The following PPM1L variants were observed in gnomAD, a reference collection of about 807,000 sequenced individuals.
PPM1L encodes the protein protein phosphatase 1L.
PPM1L carries 13 observed loss-of-function variants against 31.4 expected under a neutral mutation model. The ratio of observed to expected loss-of-function variants is 0.41; its 90% CI spans 0.27 to 0.66. PPM1L has a LOEUF of 0.66. Among genes scored for constraint, PPM1L ranks in the 30% least tolerant of loss-of-function variants. PPM1L has a pLI of 0.29. For synonymous variants in PPM1L, 184 were observed against 175.4 expected (o/e 1.05, Z -0.39); for missense variants, 326 against 453.7 (o/e 0.72, Z 2.56).
At chr3:160,849,513 C>T (rs1560125597) in intron 1 of PPM1L, among the ~76,000 whole-genome samples, 3 of 152,074 alleles carry the variant, frequency 2.0e-5, no homozygotes, top group South Asian at 2.1e-4. Context: ...CTCCACCTCC[C>T]GGGTTCATGC....
chr3:160,790,045 A>C (rs1354121499), intron 1 of PPM1L, among the ~76,000 whole-genome samples: 5 of 152,260 alleles, frequency 3.3e-5, no homozygotes, highest in Middle Eastern at 3.4e-3. Context: ...TTCTTTAGTG[A>C]ATAATGACAA....
chr3:160,803,712 CTGT>C (rs1355782681), intron 1 of PPM1L, among the ~76,000 whole-genome samples: 3 of 152,148 alleles, frequency 2.0e-5, no homozygotes, highest in Admixed American at 6.5e-5. Flanking sequence ...ATTTTTACTG[CTGT>C]TATTTCTTTA....
chr3:160,835,039 A>ACTACTTCTTCTT lies in PPM1L; in HGVS notation c.399+78334_399+78335insACTTCTTCTTCT, dbSNP rs760363593. ...TACTACTACTACTATTACTACTACT[A>ACTACTTCTTCTT]CTTCTTCTTCTTCTTCTTCTTCTTC... On this transcript the variant is annotated intron_variant, in intron 1 of 3. Coordinates refer to ENST00000498165, the MANE Select transcript of PPM1L (RefSeq NM_139245.4). 5.3e-3 allele frequency among the ~76,000 whole-genome samples: 693 copies of ACTACTTCTTCTT among 131,800 alleles called. 1 individual carries two copies. The highest frequency in any genetic ancestry group is 7.8e-3 in the African/African-American group (253 of 32,234). 86.5% of individuals were successfully genotyped at this position (131,800 alleles called of 152,430 possible).
Position 160,975,750 on chromosome 3 carries a change from T to C in PPM1L, c.574+13840T>C, listed in dbSNP as rs576029707. Among the ~76,000 whole-genome samples the C allele has an allele frequency of 3.2e-3, 488 of 152,332 alleles. 1 individual carries two copies. Among genetic ancestry groups the C allele is most frequent in the African/African-American group, 0.011 (466 of 41,558 alleles). ...TATCCTGAGACTTTGCTAAAGTTGC[T>C]AATCAGCTTAAGGAGATTTTGGGCT... On this transcript the variant is annotated intron_variant, in intron 2 of 3. Transcript: ENST00000498165.
At chr3:160,807,620 A>G (rs899225461) in intron 1 of PPM1L, among the ~76,000 whole-genome samples, 6 of 152,206 alleles carry the variant, frequency 3.9e-5, no homozygotes, top group African/African-American at 1.4e-4. Flanking sequence ...AAAAGCCACT[A>G]TCACTTAGTG....
At chr3:160,804,525 T>C (rs879886449) in intron 1 of PPM1L, among the ~76,000 whole-genome samples, 1 of 152,204 alleles carries the variant, frequency 6.6e-6, no homozygotes, top group South Asian at 2.1e-4. Flanking sequence ...ACTGAATAAA[T>C]AGTCTTTCTT....
At chr3:160,936,469 T>C (rs1714977374) in intron 1 of PPM1L, among the ~76,000 whole-genome samples, 1 of 152,192 alleles carries the variant, frequency 6.6e-6, no homozygotes, top group African/African-American at 2.4e-5. Context: ...AATCTAATGT[T>C]GTGAAGAATG....
intron 2 of PPM1L, among the ~76,000 whole-genome samples, chr3:160,978,640 G>A (rs1334686676): frequency 6.6e-6 from 1 of 151,866 alleles, no homozygotes; most frequent in African/African-American, 2.4e-5. Context: ...GATCAGCCTG[G>A]GTAACATGGT....
intron 1 of PPM1L, among the ~76,000 whole-genome samples, chr3:160,763,736 T>C (rs1228103717): frequency 1.3e-5 from 2 of 152,156 alleles, no homozygotes; most frequent in Admixed American, 1.3e-4. Context: ...GGAGGATTGA[T>C]TTGAACTAAC....
chr3:160,954,055 G>A (rs1405076097), intron 1 of PPM1L, among the ~76,000 whole-genome samples: 1 of 151,988 alleles, frequency 6.6e-6, no homozygotes, highest in East Asian at 1.9e-4. Flanking sequence ...TAATTTAAAA[G>A]CAATTTGTGT....
At chr3:160,820,879 A>T (rs1331299448) in intron 1 of PPM1L, among the ~76,000 whole-genome samples, 2 of 152,120 alleles carry the variant, frequency 1.3e-5, no homozygotes, top group African/African-American at 2.4e-5. Context: ...TTGTGTACAT[A>T]TGCAAGAGTT....
rs536542487 is a variant in PPM1L at position 160,784,404 on chromosome 3, A to G, written c.399+27697A>G. On this transcript the variant is annotated intron_variant, in intron 1 of 3. Coordinates refer to ENST00000498165, the MANE Select transcript of PPM1L (RefSeq NM_139245.4). ...AGAGCCAAGCAAATCATCTTCTACCATATGAATAGTTAATCAGGAATAAGA... is the reference window on the plus strand; with the variant it reads ...AGAGCCAAGCAAATCATCTTCTACCGTATGAATAGTTAATCAGGAATAAGA... 2.1e-4 allele frequency among the ~76,000 whole-genome samples: 32 copies of G among 152,318 alleles called. No homozygotes were observed. In the East Asian group the frequency reaches 3.5e-3, roughly 17 times the overall value.
intron 2 of PPM1L, among the ~76,000 whole-genome samples, chr3:161,048,737 A>ATAC (rs1719164826): frequency 6.6e-6 from 1 of 152,034 alleles, no homozygotes; most frequent in Non-Finnish European, 1.5e-5. Flanking sequence ...ACACCATGGA[A>ATAC]TACTATGCTG....
At chr3:160,997,854 TCA>T (rs1036728675) in intron 2 of PPM1L, among the ~76,000 whole-genome samples, 10 of 152,262 alleles carry the variant, frequency 6.6e-5, no homozygotes, top group African/African-American at 2.4e-4. Context: ...GGACAGCCTA[TCA>T]CTAACAATCT....
intron 1 of PPM1L, among the ~76,000 whole-genome samples, chr3:160,816,216 A>T (rs887137707): frequency 6.6e-6 from 1 of 151,182 alleles, no homozygotes; most frequent in Non-Finnish European, 1.5e-5. Flanking sequence ...AAAGGAGTGG[A>T]TTGTGTCTAT....
At chr3:161,012,156 G>T (rs568159625) in intron 2 of PPM1L, among the ~76,000 whole-genome samples, 2 of 152,266 alleles carry the variant, frequency 1.3e-5, no homozygotes, top group African/African-American at 4.8e-5. Flanking sequence ...CTGTGGGTTT[G>T]TCATAGATAG....
At chr3:160,947,087 A>G (rs768502859) in intron 1 of PPM1L, among the ~76,000 whole-genome samples, 3 of 152,176 alleles carry the variant, frequency 2.0e-5, no homozygotes, top group Admixed American at 6.5e-5. Flanking sequence ...AAAAATACAC[A>G]AAGTGTTAAC....
At chr3:160,799,931 T>C (rs1364332624) in intron 1 of PPM1L, among the ~76,000 whole-genome samples, 1 of 152,226 alleles carries the variant, frequency 6.6e-6, no homozygotes, top group African/African-American at 2.4e-5. Flanking sequence ...CTCCCTAGTA[T>C]GTAAGTCTCA....
At chr3:160,965,027 G>A (rs1419029561) in intron 2 of PPM1L, among the ~76,000 whole-genome samples, 3 of 151,914 alleles carry the variant, frequency 2.0e-5, no homozygotes, top group Non-Finnish European at 4.4e-5. Flanking sequence ...CGAGGTGGGC[G>A]GATCATGAGG....
Sources: allele counts gnomAD v4.1 joint callset (sites outside exome capture counted in the v4.1 genomes callset), GRCh38; gene constraint gnomAD v4.1.1; transcripts MANE v1.5; gene names NCBI Gene and HGNC (gene_info 2026-07-23, HGNC 2026-07-21).